RPS6KA5: variants seen among roughly 807,000 people sequenced by gnomAD.
RPS6KA5 encodes ribosomal protein S6 kinase A5, also known as ribosomal protein S6 kinase alpha-5.
RPS6KA5 carries 27 observed loss-of-function variants against 85.5 expected under a neutral mutation model. The observed-to-expected ratio is 0.32, with a 90% CI of 0.23 to 0.44. The LOEUF is 0.44. Ranked by LOEUF, RPS6KA5 falls within the 20% of genes least tolerant of loss-of-function variation. The pLI, the probability that RPS6KA5 is intolerant of heterozygous loss-of-function variation, is 1.00. For missense variants in RPS6KA5, 811 were observed against 980.9 expected, an observed-to-expected ratio of 0.83 and a Z score of 2.31; for synonymous variants, 334 against 348.2, an observed-to-expected ratio of 0.96 and a Z score of 0.46.
intron 1 of RPS6KA5, among the ~76,000 whole-genome samples, chr14:91,029,132 C>T (rs887017952): frequency 3.9e-5 from 6 of 152,106 alleles, no homozygotes; most frequent in African/African-American, 9.7e-5. Flanking sequence ...ATAAAGACAA[C>T]GAACCACAGA....
At chr14:91,000,986 T>A in intron 2 of RPS6KA5, 102 bp downstream of exon 2, 1 of 646,566 alleles carries the variant, frequency 1.5e-6, no homozygotes, top group Non-Finnish European at 2.6e-6. Context: ...GGATTCCTCA[T>A]GCTTTTTAAA....
At chr14:91,013,016 C>T (rs192978440) in intron 1 of RPS6KA5, among the ~76,000 whole-genome samples, 1 of 152,270 alleles carries the variant, frequency 6.6e-6, no homozygotes, top group Non-Finnish European at 1.5e-5. Context: ...CTTCTTCTGA[C>T]CTCTCAGACC....
At chr14:91,009,852 C>T (rs1445898002) in intron 1 of RPS6KA5, among the ~76,000 whole-genome samples, 2 of 152,042 alleles carry the variant, frequency 1.3e-5, no homozygotes, top group Non-Finnish European at 2.9e-5. Context: ...AAAGGAAAGG[C>T]AAGTCTTGAT....
At chr14:90,900,792 C>A in intron 9 of RPS6KA5, 56 bp from the exon 10 acceptor site, 1 of 1,485,976 alleles carries the variant, frequency 6.7e-7, no homozygotes, top group Non-Finnish European at 9.1e-7. Flanking sequence ...TCCAGTTTAA[C>A]ACAGATTAGA....
chr14:91,001,905 T>A (rs2040811160), intron 1 of RPS6KA5, among the ~76,000 whole-genome samples: 1 of 152,188 alleles, frequency 6.6e-6, no homozygotes, highest in South Asian at 2.1e-4. Context: ...AGAATAAATG[T>A]GGAAATGGTT....
Position 90,868,109 on chromosome 14 carries a change from T to C in RPS6KA5, c.*3965A>G, listed in dbSNP as rs2140124143. On this transcript the variant is annotated 3_prime_UTR_variant, in exon 17 of 17. Coordinates refer to ENST00000614987, the MANE Select transcript of RPS6KA5 (RefSeq NM_004755.4). The stretch of plus-strand genomic sequence containing the variant: ...AGGAAAATATTTTCTCTAAAGAATG[T>C]CACAATTTGGAGTGAAGTTACTTAA... 1 of 152,346 alleles carries C rather than the reference T, an allele frequency of 6.6e-6. No individual in the cohort carries two copies. The highest frequency in any genetic ancestry group is 2.1e-4 in the South Asian group (1 of 4,830). The allele number at this position is 152,346 out of a possible 1,614,324, so 9.4% of individuals were successfully genotyped here.
intron 1 of RPS6KA5, among the ~76,000 whole-genome samples, chr14:91,015,905 G>C (rs1022615717): frequency 2.6e-5 from 4 of 152,152 alleles, no homozygotes; most frequent in Admixed American, 6.5e-5. Context: ...ACCTTGTCTT[G>C]TCCCAGCCTT....
chr14:91,011,011 T>C (rs534041705), intron 1 of RPS6KA5, among the ~76,000 whole-genome samples: 4 of 152,186 alleles, frequency 2.6e-5, no homozygotes, highest in South Asian at 2.1e-4. Context: ...GGAGCAACAA[T>C]AGAATGCCTC....
At position 90,854,886 on chromosome 14, in the gene RPS6KA5, A is replaced by G. The variant is rs2032193464; in HGVS notation, c.*17188T>C. 6.6e-6 allele frequency: 1 copy of G among 152,212 alleles called. No individual in the cohort carries two copies. The highest frequency in any genetic ancestry group is 1.5e-5 in the Non-Finnish European group (1 of 68,020). 9.4% of individuals were successfully genotyped at this position (152,212 alleles called of 1,614,324 possible). A position where few individuals can be genotyped will look rare whatever the true frequency, so the allele number is the denominator to read the frequency against. The stretch of plus-strand genomic sequence containing the variant: ...TTACCATTCAAAACATATAAAAAGC[A>G]CTGACTTTATTGTACTGCAATATAA... On this transcript the variant is annotated 3_prime_UTR_variant, in exon 17 of 17. Coordinates refer to ENST00000614987, the MANE Select transcript of RPS6KA5 (RefSeq NM_004755.4).
Position 90,900,695 on chromosome 14 carries a change from A to G in RPS6KA5, c.1161T>C (p.Asn387=), listed in dbSNP as rs772877415. The G allele has an allele frequency of 6.2e-7, 1 of 1,613,856 alleles. No homozygotes were observed. Among genetic ancestry groups the G allele is most frequent in the Non-Finnish European group, 8.5e-7 (1 of 1,179,822 alleles). ...FVAPSILFKR[N]AAVIDPLQFH... ...ACTGAAGAGGGTCTATGACAGCTGC[A>G]TTACGCTTGAATAGGATGGAAGGAG... The change falls in exon 10 of 17, where the codon AAT becomes AAC. Residue 387 remains asparagine (N), a synonymous_variant. Transcript: ENST00000614987.
chr14:91,058,342 AAG>A (rs1321976257), intron 1 of RPS6KA5, among the ~76,000 whole-genome samples: 4 of 152,206 alleles, frequency 2.6e-5, no homozygotes, highest in South Asian at 2.1e-4. Flanking sequence ...ACACAGTTAG[AAG>A]AGAGGGGGAA....
chr14:90,924,686 T>C (rs1022146179), intron 5 of RPS6KA5, among the ~76,000 whole-genome samples: 12 of 152,200 alleles, frequency 7.9e-5, no homozygotes, highest in African/African-American at 2.7e-4. Context: ...AGGAGTGGGA[T>C]GTGTACAACA....
At chr14:90,903,561 C>CAA (rs1485710682) in intron 8 of RPS6KA5, among the ~76,000 whole-genome samples, 1 of 152,200 alleles carries the variant, frequency 6.6e-6, no homozygotes, top group Non-Finnish European at 1.5e-5. Context: ...CAACTGTGTT[C>CAA]AAGCATTTTA....
At chr14:90,894,873 T>C (rs1486776421) in intron 12 of RPS6KA5, among the ~76,000 whole-genome samples, 3 of 152,198 alleles carry the variant, frequency 2.0e-5, no homozygotes, top group African/African-American at 7.2e-5. Flanking sequence ...TTTTAAGAGA[T>C]GAAGTCTCTA....
chr14:91,028,052 A>C (rs1364465657), intron 1 of RPS6KA5, among the ~76,000 whole-genome samples: 2 of 152,238 alleles, frequency 1.3e-5, no homozygotes, highest in Non-Finnish European at 2.9e-5. Flanking sequence ...AATGAAATTC[A>C]AACGACATGC....
At chr14:90,887,870 G>T (rs2140184566) in intron 14 of RPS6KA5, among the ~76,000 whole-genome samples, 1 of 147,858 alleles carries the variant, frequency 6.8e-6, no homozygotes, top group South Asian at 2.2e-4. Context: ...GCTGAGGTAG[G>T]AGGATCACTT....
intron 5 of RPS6KA5, among the ~76,000 whole-genome samples, chr14:90,936,049 T>C (rs574340866): frequency 6.6e-6 from 1 of 152,294 alleles, no homozygotes; most frequent in South Asian, 2.1e-4. Context: ...CAACAAATGT[T>C]TGTAAAACTG....
chr14:91,022,949 G>A (rs1327992205), intron 1 of RPS6KA5, among the ~76,000 whole-genome samples: 2 of 151,908 alleles, frequency 1.3e-5, no homozygotes, highest in Non-Finnish European at 2.9e-5. Flanking sequence ...GCTGGGCATG[G>A]TGGCGCACGC....
rs2032574166 is a variant in RPS6KA5 at position 90,861,897 on chromosome 14, A to G, written c.*10177T>C. 6.6e-6 allele frequency: 1 copy of G among 151,844 alleles called. No homozygotes were observed. Among genetic ancestry groups the G allele is most frequent in the Non-Finnish European group, 1.5e-5 (1 of 67,980 alleles). 9.4% of individuals were successfully genotyped at this position (151,844 alleles called of 1,614,324 possible). On this transcript the variant is annotated 3_prime_UTR_variant, in exon 17 of 17. Coordinates refer to ENST00000614987, the MANE Select transcript of RPS6KA5 (RefSeq NM_004755.4). ...TGGCGACAAAGACTCCATCTCAAAA[A>G]AAAAAAAAAAAAAGGGGAAAACAGA...
Sources: gnomAD v4.1 joint callset for allele counts (sites outside exome capture counted in the v4.1 genomes callset) on GRCh38, gnomAD v4.1.1 for gene constraint, MANE v1.5 for transcripts, NCBI Gene and HGNC (gene_info 2026-07-23, HGNC 2026-07-21) for gene names.